Variants in SFSWAP observed in about 807,000 individuals in gnomAD.
SFSWAP encodes splicing factor SWAP.
SFSWAP carries 17 observed loss-of-function variants against 100.7 expected under a neutral mutation model. The ratio of observed to expected loss-of-function variants is 0.17; its 90% confidence interval spans 0.12 to 0.25. The LOEUF (loss-of-function observed/expected upper bound fraction) is 0.25. SFSWAP is among the 10% of genes least tolerant of loss of function. The pLI, the probability that SFSWAP is intolerant of heterozygous loss-of-function variation, is 1.00. For missense variants in SFSWAP, 1,005 were observed against 1,262.6 expected (o/e 0.80, Z 3.09); for synonymous variants, 504 against 510.1 (o/e 0.99, Z 0.16).
chr12:131,765,807 A>G (rs1483116228), intron 12 of SFSWAP, among the ~76,000 whole-genome samples: 1 of 43,970 alleles, frequency 2.3e-5, no homozygotes. Flanking sequence ...CATTTGGAAT[A>G]AAACACTTAT....
intron 13 of SFSWAP, among the ~76,000 whole-genome samples, 154 bp downstream of exon 13, chr12:131,766,462 A>G (rs1011740894): frequency 1.3e-5 from 2 of 152,162 alleles, no homozygotes; most frequent in African/African-American, 2.4e-5. Context: ...CTTTTACTCT[A>G]TAGCAGTGAA....
At position 131,778,717 on chromosome 12, in the gene SFSWAP, C is replaced by T. The variant is rs1251279492; in HGVS notation, c.2408+387C>T. 2.6e-5 allele frequency among the ~76,000 whole-genome samples: 4 copies of T among 152,052 alleles called. No individual in the cohort carries two copies. Among genetic ancestry groups the T allele is most frequent in the African/African-American group, 4.8e-5 (2 of 41,382 alleles). On this transcript the variant is annotated intron_variant, in intron 14 of 17. Transcript: ENST00000261674. This position sits in a 1 kb window ranked among gnomAD's most constrained non-coding sequence, Gnocchi z 4.2. ...ATTTTTAGTAGAGACGGGGTTTCAC[C>T]GTGTCGGCCAGGCTGGTCTTAAACT...
intron 7 of SFSWAP, among the ~76,000 whole-genome samples, chr12:131,732,616 C>T (rs746403567): frequency 1.3e-4 from 20 of 152,192 alleles, no homozygotes; most frequent in Admixed American, 6.5e-5. Flanking sequence ...TCCTCGTCTC[C>T]GCCTAATGTA....
intron 7 of SFSWAP, among the ~76,000 whole-genome samples, chr12:131,747,045 A>C (rs1881192457): frequency 6.6e-6 from 1 of 150,586 alleles, no homozygotes. Context: ...CAGAGCTTGC[A>C]GTGAGCCGAG....
chr12:131,770,785 A>T (rs1034062801), intron 13 of SFSWAP, among the ~76,000 whole-genome samples: 1 of 152,106 alleles, frequency 6.6e-6, no homozygotes, highest in Non-Finnish European at 1.5e-5. Flanking sequence ...TTACCACCCA[A>T]CCGTTCCCAG....
chr12:131,763,473 T>G (rs1451592495), intron 11 of SFSWAP, among the ~76,000 whole-genome samples: 1 of 152,218 alleles, frequency 6.6e-6, no homozygotes, highest in East Asian at 1.9e-4. Context: ...AGAAAGGGAC[T>G]CTGTGTTCAT....
chr12:131,737,933 A>G (rs1034747981), intron 7 of SFSWAP, among the ~76,000 whole-genome samples: 2 of 152,002 alleles, frequency 1.3e-5, no homozygotes, highest in Admixed American at 6.6e-5. Flanking sequence ...CATGCTCTTT[A>G]TTTTTCATTA....
At chr12:131,727,708 T>C (rs1283359467) in intron 6 of SFSWAP, among the ~76,000 whole-genome samples, 1 of 152,228 alleles carries the variant, frequency 6.6e-6, no homozygotes, top group Non-Finnish European at 1.5e-5. Flanking sequence ...TCAGAATATA[T>C]GCATCTTCGA....
chr12:131,728,154 A>G lies in SFSWAP; in HGVS notation c.946-139A>G, dbSNP rs1183369245. On this transcript the variant is annotated intron_variant, in intron 6 of 17. Transcript: ENST00000261674. ...CTGGGGCATTTGGCCACAACTCGTT[A>G]GGACCTCCATGGGTGCGTGCATGTG... 3 of 905,992 alleles carry G rather than the reference A, an allele frequency of 3.3e-6. No homozygotes were observed. The East Asian group carries it at 7.5e-5, about 23-fold the overall frequency. 56.1% of individuals were successfully genotyped at this position (905,992 alleles called of 1,614,324 possible).
intron 7 of SFSWAP, among the ~76,000 whole-genome samples, chr12:131,742,203 C>T (rs564895256): frequency 1.3e-5 from 2 of 152,318 alleles, no homozygotes; most frequent in South Asian, 4.1e-4. Context: ...TCCTCACTGT[C>T]AGGATCCCCA....
intron 15 of SFSWAP, among the ~76,000 whole-genome samples, chr12:131,795,673 T>C (rs1300364560): frequency 6.6e-6 from 1 of 151,700 alleles, no homozygotes; most frequent in East Asian, 2.0e-4. Context: ...GCACAGGCCC[T>C]GGAGGTCTCC....
chr12:131,719,289 C>G (rs992271917), intron 3 of SFSWAP, among the ~76,000 whole-genome samples, 165 bp from the exon 4 acceptor site: 1 of 151,634 alleles, frequency 6.6e-6, no homozygotes, highest in African/African-American at 2.4e-5. Flanking sequence ...GTGAGTTTCA[C>G]TTGCGTTGTG....
intron 16 of SFSWAP, among the ~76,000 whole-genome samples, chr12:131,797,816 C>G (rs1231822132): frequency 6.6e-6 from 1 of 152,258 alleles, no homozygotes; most frequent in Non-Finnish European, 1.5e-5. Context: ...GTGGGCGTCC[C>G]AGTCCCGGGC....
In SFSWAP at chr12:131,737,990, TAAATA is replaced by T. The variant is rs1880199145; in HGVS notation, c.1081+9566_1081+9570del. 2.0e-5 allele frequency among the ~76,000 whole-genome samples: 3 copies of T among 152,294 alleles called. No individual in the cohort carries two copies. The South Asian group carries it at 6.2e-4, about 32-fold the overall frequency. ...ATAAATCCTTATAGAAGAGTATAAA[TAAATA>T]AAAGTAATTATGCAGGAGGCAGTCA... On this transcript the variant is annotated intron_variant, in intron 7 of 17. Coordinates refer to ENST00000261674, the MANE Select transcript of SFSWAP (RefSeq NM_004592.4).
At chr12:131,786,347 C>G in intron 14 of SFSWAP, 116 bp from the exon 15 acceptor site, 2 of 1,290,450 alleles carry the variant, frequency 1.5e-6, no homozygotes, top group Non-Finnish European at 2.1e-6. Flanking sequence ...TACACAGGCA[C>G]CACCCTGAGG....
Position 131,794,373 on chromosome 12 carries a change from TA to T in SFSWAP, c.2535-2791del, listed in dbSNP as rs931586609. Among the ~76,000 whole-genome samples, 199 of 140,688 alleles carry T rather than the reference TA, an allele frequency of 1.4e-3. No individual in the cohort carries two copies. The highest frequency in any genetic ancestry group is 1.6e-3 in the Non-Finnish European group (102 of 64,300). The allele number at this position is 140,688 out of a possible 152,430, so 92.3% of individuals were successfully genotyped here. A position where few individuals can be genotyped will look rare whatever the true frequency, so the allele number is the denominator to read the frequency against. ...TTTGGTAGAGACCCCCATCTCTACTTAAAAAAAAAAAAAATTAGCCATTTGT... is the reference window on the plus strand; with the variant it reads ...TTTGGTAGAGACCCCCATCTCTACTTAAAAAAAAAAAAATTAGCCATTTGT... On this transcript the variant is annotated intron_variant, in intron 15 of 17. Transcript: ENST00000261674. This position sits in a 1 kb window ranked among gnomAD's most constrained non-coding sequence, Gnocchi z 4.8.
chr12:131,753,453 T>C (rs1197446220), intron 8 of SFSWAP, 90 bp downstream of exon 8: 3 of 1,474,076 alleles, frequency 2.0e-6, no homozygotes. Flanking sequence ...GGGCTTGTAA[T>C]CTAGATCATA....
chr12:131,712,736 G>T (rs1439351465), intron 1 of SFSWAP: 1 of 152,254 alleles, frequency 6.6e-6, no homozygotes, highest in African/African-American at 2.4e-5. Context: ...GCTCAAGCGT[G>T]CTGTGCCTTC....
rs114589749 is a variant in SFSWAP at position 131,775,258 on chromosome 12, G to A, written c.2143-2807G>A. ...TCGTCACAGAACAAACTCCTTACTCGAGGGTGGAGTATGTGTCTCAGCTCT... is the reference window on the plus strand; with the variant it reads ...TCGTCACAGAACAAACTCCTTACTCAAGGGTGGAGTATGTGTCTCAGCTCT... On this transcript the variant is annotated intron_variant, in intron 13 of 17. Transcript: ENST00000261674. Among the ~76,000 whole-genome samples the A allele has an allele frequency of 7.1e-3, 1,082 of 152,286 alleles. 16 individuals carry two copies. Among genetic ancestry groups the A allele is most frequent in the African/African-American group, 0.024 (1,000 of 41,542 alleles).
Sources: gnomAD v4.1 joint callset for allele counts (sites outside exome capture counted in the v4.1 genomes callset) on GRCh38, gnomAD v4.1.1 for gene constraint, Gnocchi (gnomAD v3.1) non-coding constraint, MANE v1.5 for transcripts, NCBI Gene and HGNC (gene_info 2026-07-23, HGNC 2026-07-21) for gene names.